The following MADD variants were observed in gnomAD, a reference collection of about 807,000 sequenced individuals.
MADD encodes the protein MAP kinase-activating death domain protein.
MADD carries 109 observed loss-of-function variants against 176.7 expected under a neutral mutation model. The ratio of observed to expected loss-of-function variants is 0.62; its 90% CI spans 0.53 to 0.72. The LOEUF is 0.72. MADD is among the 30% of genes least tolerant of loss of function. The pLI is 0.00. For synonymous variants in MADD, 771 were observed against 771.3 expected (o/e 1.00, Z 0.01); for missense variants, 1,914 against 2,045.5 (o/e 0.94, Z 1.24).
In MADD at chr11:47,315,206, C is replaced by T. The variant is rs751380684; in HGVS notation, c.4090-14C>T. 6.4e-7 allele frequency: 1 copy of T among 1,566,902 alleles called. No homozygotes were observed. The highest frequency in any genetic ancestry group is 1.7e-5 in the Admixed American group (1 of 59,840). Reference sequence around the variant, plus strand: ...GGATGTATGACTGTCCCTAAAAAATCTCTCTTTCATCAGAATGGACGCGAT... The same window carrying T: ...GGATGTATGACTGTCCCTAAAAAATTTCTCTTTCATCAGAATGGACGCGAT... On this transcript the variant is annotated splice_polypyrimidine_tract_variant and intron_variant, in intron 26 of 32. Coordinates refer to ENST00000402192, the Ensembl canonical transcript of MADD.
At position 47,273,821 on chromosome 11, in the gene MADD, T is replaced by C; in HGVS notation, c.-88-6T>C. The C allele has an allele frequency of 9.2e-7, 1 of 1,089,718 alleles. No individual in the cohort carries two copies. The highest frequency in any genetic ancestry group is 1.4e-6 in the Non-Finnish European group (1 of 712,846). 67.5% of individuals were successfully genotyped at this position (1,089,718 alleles called of 1,614,324 possible). Reference sequence around the variant, plus strand: ...TGGATCTTATCAGTACTTTTTTTCCTATTAGACTTCGATTTTCAGAATTCC... The same window carrying C: ...TGGATCTTATCAGTACTTTTTTTCCCATTAGACTTCGATTTTCAGAATTCC... On this transcript the variant is annotated splice_polypyrimidine_tract_variant and splice_region_variant and intron_variant, in intron 1 of 32. Transcript: ENST00000402192.
intron 3 of MADD, among the ~76,000 whole-genome samples, chr11:47,275,507 T>G (rs1471134676): frequency 6.6e-6 from 1 of 152,204 alleles, no homozygotes; most frequent in Non-Finnish European, 1.5e-5. Context: ...GCCAGGCTGG[T>G]CTCAAACTCC....
intron 27 of MADD, among the ~76,000 whole-genome samples, chr11:47,320,469 A>T (rs185233057): frequency 0.016 from 2,478 of 151,270 alleles, 66 homozygotes; most frequent in African/African-American, 0.037. Flanking sequence ...AAAAAATTTA[A>T]AAAAATGAAA....
At chr11:47,273,885 T>G in exon 2 of MADD, 1 of 1,605,340 alleles carries the variant, frequency 6.2e-7, no homozygotes, top group Non-Finnish European at 8.5e-7. Flanking sequence ...GCCCTGATGC[T>G]TCTCTGAGAT....
At position 47,275,782 on chromosome 11, in the gene MADD, T is replaced by G. The variant is rs2049222614; in HGVS notation, c.660-117T>G. 6.8e-6 allele frequency: 7 copies of G among 1,024,048 alleles called. No homozygotes were observed. In the South Asian group the frequency reaches 9.5e-5, roughly 14 times the overall value. The allele number at this position is 1,024,048 out of a possible 1,614,324, so 63.4% of individuals were successfully genotyped here. On this transcript the variant is annotated intron_variant, in intron 3 of 32. Coordinates refer to ENST00000402192, the Ensembl canonical transcript of MADD. Reference sequence around the variant, plus strand: ...CTATCTGAGCTCAGAGACTGGGCTTTCTTAATGATGCTCCGTTTCCCATTG... The same window carrying G: ...CTATCTGAGCTCAGAGACTGGGCTTGCTTAATGATGCTCCGTTTCCCATTG...
At chr11:47,282,262 T>C (rs1224822535) in intron 8 of MADD, 119 bp from the exon 9 acceptor site, 3 of 711,886 alleles carry the variant, frequency 4.2e-6, no homozygotes, top group Admixed American at 2.5e-5. Context: ...CTTTAAGATA[T>C]CTCTCCCCTT....
At chr11:47,308,481 G>T in intron 22 of MADD, 110 bp from the exon 25 acceptor site, 1 of 686,356 alleles carries the variant, frequency 1.5e-6, no homozygotes, top group African/African-American at 1.8e-5. Flanking sequence ...TGGAGTTTAT[G>T]TTGCTAATGG....
chr11:47,288,844 C>G (rs1187782860), intron 15 of MADD, 124 bp from the exon 16 acceptor site: 16 of 753,422 alleles, frequency 2.1e-5, no homozygotes, highest in Non-Finnish European at 3.1e-5. Flanking sequence ...GCCCAAGAAC[C>G]AAGGTTATGT....
At chr11:47,310,907 C>CAAAAAAA (rs34331746) in intron 25 of MADD, among the ~76,000 whole-genome samples, 1 of 131,076 alleles carries the variant, frequency 7.6e-6, no homozygotes, top group Non-Finnish European at 1.6e-5. Flanking sequence ...AAATCCATCT[C>CAAAAAAA]AAAAAAAAAA....
chr11:47,285,244 C>T, intron 13 of MADD, 50 bp downstream of exon 13: 1 of 1,596,100 alleles, frequency 6.3e-7, no homozygotes, highest in Non-Finnish European at 8.5e-7. Flanking sequence ...GACCTCACCT[C>T]AGTGGACCCT....
At chr11:47,295,782 T>C in intron 21 of MADD, 115 bp from the exon 24 acceptor site, 1 of 1,524,566 alleles carries the variant, frequency 6.6e-7, no homozygotes, top group Non-Finnish European at 8.8e-7. Context: ...CCAGAGGCTA[T>C]CTGACACACT....
At chr11:47,279,204 T>C in intron 7 of MADD, 125 bp downstream of exon 7, 1 of 863,196 alleles carries the variant, frequency 1.2e-6, no homozygotes, top group Non-Finnish European at 1.9e-6. Context: ...TCACCCTGGA[T>C]GGGCTTAAGA....
intron 22 of MADD, among the ~76,000 whole-genome samples, chr11:47,303,265 G>A (rs1475437816): frequency 4.0e-5 from 5 of 126,434 alleles, no homozygotes; most frequent in South Asian, 2.5e-4. Flanking sequence ...TTTTTGAGAC[G>A]GAGTCTCACT....
At position 47,304,484 on chromosome 11, in the gene MADD, C is replaced by T. The variant is rs542096126; in HGVS notation, c.3643-4107C>T. Among the ~76,000 whole-genome samples the T allele has an allele frequency of 3.7e-3, 565 of 152,280 alleles. 2 individuals carry two copies. The highest frequency in any genetic ancestry group is 6.0e-3 in the Non-Finnish European group (408 of 68,016). ...AACCTCAGGCGATCCACCCACCTCACCTCCCAAAGTGTTGGGATTACAGGT... is the reference window on the plus strand; with the variant it reads ...AACCTCAGGCGATCCACCCACCTCATCTCCCAAAGTGTTGGGATTACAGGT... On this transcript the variant is annotated intron_variant, in intron 22 of 32. Coordinates refer to ENST00000402192, the Ensembl canonical transcript of MADD.
chr11:47,309,875 T>A (rs1365928335), intron 25 of MADD, among the ~76,000 whole-genome samples: 1 of 150,294 alleles, frequency 6.7e-6, no homozygotes, highest in African/African-American at 2.4e-5. Context: ...GGAGTCTTGC[T>A]CTGTCACCCA....
chr11:47,274,590 G>A (rs1476820518), exon 3 of MADD: 1 of 1,613,390 alleles, frequency 6.2e-7, no homozygotes, highest in Non-Finnish European at 8.5e-7. Context: ...GCGTGGCCCA[G>A]ACTCCTGAAT....
intron 1 of MADD, chr11:47,270,518 G>C (rs1231616177): frequency 6.8e-6 from 1 of 147,918 alleles, no homozygotes; most frequent in African/African-American, 2.5e-5. Context: ...CGGGGGCGGG[G>C]GAGAACTGTC....
chr11:47,291,407 C>T (rs1023113113), intron 19 of MADD, among the ~76,000 whole-genome samples: 7 of 152,176 alleles, frequency 4.6e-5, no homozygotes, highest in Non-Finnish European at 2.9e-5. Flanking sequence ...AAGGCAGTGC[C>T]TTAGTGAGCT....
At chr11:47,286,999 G>A (rs1428288713) in intron 15 of MADD, among the ~76,000 whole-genome samples, 1 of 152,202 alleles carries the variant, frequency 6.6e-6, no homozygotes, top group Non-Finnish European at 1.5e-5. Context: ...GAGTGCGCCA[G>A]GTAGTATTGG....
Sources: allele counts gnomAD v4.1 joint callset (sites outside exome capture counted in the v4.1 genomes callset), GRCh38; gene constraint gnomAD v4.1.1; transcripts MANE v1.5; gene names NCBI Gene and HGNC (gene_info 2026-07-23, HGNC 2026-07-21).